OVCH2: variants seen among roughly 807,000 people sequenced by gnomAD.
OVCH2 encodes ovochymase-2.
In OVCH2, 88 loss-of-function variants were observed where a neutral mutation model predicts 73.7. The ratio of observed to expected loss-of-function variants is 1.19; its 90% CI spans 1.01 to 1.43. The LOEUF is 1.43. Among genes scored for constraint, OVCH2 ranks in the 40% most tolerant of loss-of-function variants. The pLI is 0.00. For missense variants in OVCH2, 706 were observed against 674.5 expected (o/e 1.05, Z -0.52); for synonymous variants, 265 against 234.5 (o/e 1.13, Z -1.19).
chr11:7,690,397 C>G (rs1856198483), intron 14 of OVCH2, among the ~76,000 whole-genome samples: 1 of 152,068 alleles, frequency 6.6e-6, no homozygotes, highest in Non-Finnish European at 1.5e-5. Context: ...CCAAGTGTAT[C>G]TTATCTGATT....
rs907070818 is a variant in OVCH2 at position 7,689,570 on chromosome 11, G to T, written c.*64C>A. The T allele has an allele frequency of 2.2e-6, 1 of 461,696 alleles. No homozygotes were observed. The highest frequency in any genetic ancestry group is 2.3e-5 in the Admixed American group (1 of 42,710). The allele number at this position is 461,696 out of a possible 1,614,324, so 28.6% of individuals were successfully genotyped here. A position where few individuals can be genotyped will look rare whatever the true frequency, so the allele number is the denominator to read the frequency against. On this transcript the variant is annotated 3_prime_UTR_variant, in exon 16 of 16. Transcript: ENST00000533663. ...CCCCAAGCCTCTCCTCTAGCTTCTG[G>T]TGGTTTACTGACAGTCACTGGTGCC...
intron 12 of OVCH2, among the ~76,000 whole-genome samples, chr11:7,694,539 G>A (rs551513068): frequency 2.0e-5 from 3 of 152,270 alleles, no homozygotes; most frequent in African/African-American, 7.2e-5. Context: ...AATGTGTTTT[G>A]TGAGCAGTTT....
chr11:7,694,084 G>GA (rs1856273719), intron 12 of OVCH2, among the ~76,000 whole-genome samples: 1 of 152,068 alleles, frequency 6.6e-6, no homozygotes, highest in Non-Finnish European at 1.5e-5. Flanking sequence ...GAACGCTGGT[G>GA]TCTCATCATC....
rs1856487307 is a variant in OVCH2, at chr11:7,703,809, A to G, written c.199-20T>C. ...AGATACCTAAATTGCAAATACCTTA[A>G]ATGAAAGCAAGTTCATGCCCTGGGA... On this transcript the variant is annotated intron_variant, in intron 2 of 15. Transcript: ENST00000533663. 1 of 1,578,572 alleles carries G rather than the reference A, an allele frequency of 6.3e-7. No homozygotes were observed. The highest frequency in any genetic ancestry group is 1.2e-5 in the South Asian group (1 of 86,646).
intron 7 of OVCH2, 133 bp from the exon 8 acceptor site, chr11:7,698,906 A>AGG (rs35619418): frequency 0.24 from 210,931 of 875,894 alleles, 29,812 homozygotes; most frequent in Non-Finnish European, 0.3. Context: ...ATCTGTGGAA[A>AGG]GAAGGGAAGG....
At chr11:7,696,090 A>G (rs1037756228) in intron 10 of OVCH2, among the ~76,000 whole-genome samples, 6 of 152,078 alleles carry the variant, frequency 3.9e-5, no homozygotes, top group Non-Finnish European at 7.4e-5. Flanking sequence ...ATGGTTGTCT[A>G]TTTGTATTTT....
At chr11:7,680,831 A>C in the OVCH2 span, among the ~76,000 whole-genome samples, 1 of 152,204 alleles carries the variant, frequency 6.6e-6, no homozygotes, top group Non-Finnish European at 1.5e-5. Context: ...TAAATGAATG[A>C]TTGTTTTTGT....
chr11:7,699,055 G>C (rs1242023472), intron 7 of OVCH2: 12 of 363,882 alleles, frequency 3.3e-5, no homozygotes, highest in Non-Finnish European at 2.0e-5. Context: ...ACAGAGGCTA[G>C]AGATGGAAAT....
chr11:7,688,277 G>T (rs1856164918), downstream of OVCH2, among the ~76,000 whole-genome samples: 1 of 151,970 alleles, frequency 6.6e-6, no homozygotes, highest in African/African-American at 2.4e-5. Flanking sequence ...TTAATTCCTG[G>T]ACATCTGCAG....
chr11:7,690,561 A>T (rs973223699), intron 14 of OVCH2, among the ~76,000 whole-genome samples: 1 of 152,078 alleles, frequency 6.6e-6, no homozygotes, highest in Admixed American at 6.5e-5. Context: ...AACTCCCTAT[A>T]CGTGAATTCA....
the OVCH2 span, among the ~76,000 whole-genome samples, chr11:7,680,308 T>C: frequency 6.6e-6 from 1 of 152,232 alleles, no homozygotes; most frequent in Admixed American, 6.5e-5. Context: ...TACTGGAGAA[T>C]TGCTCACCTG....
intron 7 of OVCH2, chr11:7,699,050 G>C: frequency 2.7e-6 from 1 of 371,404 alleles, no homozygotes; most frequent in Non-Finnish European, 4.9e-6. Flanking sequence ...TAAGAACAGA[G>C]GCTAGAGATG....
chr11:7,689,286 C>A (rs1374607226), downstream of OVCH2, among the ~76,000 whole-genome samples: 1 of 152,206 alleles, frequency 6.6e-6, no homozygotes, highest in Admixed American at 6.5e-5. Flanking sequence ...ACAACTTCAG[C>A]CCATGCTGTG....
chr11:7,683,562 G>A, the OVCH2 span, among the ~76,000 whole-genome samples: 1 of 152,154 alleles, frequency 6.6e-6, no homozygotes, highest in Non-Finnish European at 1.5e-5. Context: ...AATAGAAAGA[G>A]TGATCTTGTT....
chr11:7,693,765 T>C (rs1183195880), intron 12 of OVCH2, among the ~76,000 whole-genome samples: 1 of 152,216 alleles, frequency 6.6e-6, no homozygotes, highest in Non-Finnish European at 1.5e-5. Context: ...ACCTGTGTGA[T>C]CTTGTTTCTG....
At chr11:7,699,960 T>G in intron 7 of OVCH2, 1 of 201,972 alleles carries the variant, frequency 5.0e-6, no homozygotes, top group Non-Finnish European at 1.0e-5. Flanking sequence ...AAGTAAGTGG[T>G]GCCATCGTGT....
intron 7 of OVCH2, 53 bp from the exon 8 acceptor site, chr11:7,698,826 G>C (rs569199568): frequency 3.2e-6 from 5 of 1,577,212 alleles, no homozygotes; most frequent in Non-Finnish European, 2.6e-6. Flanking sequence ...CCTGAACAAC[G>C]CTTCAAGAAG....
chr11:7,696,317 G>T, intron 10 of OVCH2, 148 bp downstream of exon 10: 2 of 1,177,656 alleles, frequency 1.7e-6, no homozygotes, highest in South Asian at 1.6e-5. Flanking sequence ...CTCAGATTTG[G>T]TTCCTTCCCA....
intron 5 of OVCH2, 57 bp downstream of exon 5, chr11:7,701,659 A>G (rs146353406): frequency 0.048 from 73,797 of 1,529,654 alleles, 2,236 homozygotes; most frequent in South Asian, 0.097. Flanking sequence ...CCATTTTCTG[A>G]TTGCCCACCA....
Sources: allele counts gnomAD v4.1 joint callset (sites outside exome capture counted in the v4.1 genomes callset), GRCh38; gene constraint gnomAD v4.1.1; transcripts MANE v1.5; gene names NCBI Gene and HGNC (gene_info 2026-07-23, HGNC 2026-07-21).